USP13: variants seen among roughly 807,000 people sequenced by gnomAD.
The protein encoded by USP13 is ubiquitin specific peptidase 13.
A neutral mutation model predicts 107.8 loss-of-function variants in USP13; 68 were observed. The ratio of observed to expected loss-of-function variants is 0.63; its 90% confidence interval spans 0.52 to 0.77. The LOEUF (loss-of-function observed/expected upper bound fraction) is 0.77. USP13 is among the 30% of genes least tolerant of loss of function. The pLI is 0.00. For synonymous variants in USP13, 377 were observed against 389.5 expected, an observed-to-expected ratio of 0.97 and a Z score of 0.38; for missense variants, 945 against 1,093.3, an observed-to-expected ratio of 0.86 and a Z score of 1.91.
Position 179,682,001 on chromosome 3 carries a change from G to C in USP13, c.292G>C (p.Glu98Gln). 6.2e-7 allele frequency: 1 copy of C among 1,612,618 alleles called. No homozygotes were observed. Among genetic ancestry groups the C allele is most frequent in the Non-Finnish European group, 8.5e-7 (1 of 1,179,168 alleles). Residue 98 changes from glutamate to glutamine, a missense_variant and splice_region_variant, in exon 2 of 21, where the codon GAG becomes CAG. Glu to Gln is a conservative substitution (Grantham distance 29). Coordinates refer to ENST00000263966, the MANE Select transcript of USP13 (RefSeq NM_003940.3). Reference protein sequence around the residue: ...VYMHLKRHVREKVRGASGGAL... With the variant: ...VYMHLKRHVRQKVRGASGGAL... ...CATGCACCTGAAAAGACATGTGCGAGAGGTGAGAGCGGCACTTTCAGAGAA... is the reference window on the plus strand; with the variant it reads ...CATGCACCTGAAAAGACATGTGCGACAGGTGAGAGCGGCACTTTCAGAGAA...
At chr3:179,737,719 T>C (rs1254593457) in intron 10 of USP13, among the ~76,000 whole-genome samples, 1 of 152,256 alleles carries the variant, frequency 6.6e-6, no homozygotes, top group Non-Finnish European at 1.5e-5. Flanking sequence ...TGCTGCCACT[T>C]TGAGGAATTC....
chr3:179,719,685 T>C (rs1004730285), intron 6 of USP13, among the ~76,000 whole-genome samples: 5 of 152,202 alleles, frequency 3.3e-5, no homozygotes, highest in African/African-American at 1.2e-4. Flanking sequence ...TTTTTGTTGC[T>C]TTTCTTGTTT....
intron 3 of USP13, among the ~76,000 whole-genome samples, chr3:179,690,804 G>A (rs1712089242): frequency 6.6e-6 from 1 of 152,118 alleles, no homozygotes; most frequent in Admixed American, 6.5e-5. Context: ...GAACTCCTGA[G>A]CTCAAGCGAT....
chr3:179,728,391 G>T (rs1321573920), intron 8 of USP13, among the ~76,000 whole-genome samples: 1 of 147,480 alleles, frequency 6.8e-6, no homozygotes, highest in African/African-American at 2.5e-5. Context: ...ATGGGCGGCC[G>T]GGCAGAGACG....
chr3:179,709,855 CTTTTCTCTT>C (rs1712859477), intron 6 of USP13, among the ~76,000 whole-genome samples: 2 of 152,138 alleles, frequency 1.3e-5, no homozygotes, highest in East Asian at 1.9e-4. Flanking sequence ...TGTCTTCTCT[CTTTTCTCTT>C]TTTTCTCTGT....
At chr3:179,670,993 G>A (rs374747395) in intron 1 of USP13, among the ~76,000 whole-genome samples, 7 of 152,150 alleles carry the variant, frequency 4.6e-5, no homozygotes, top group Middle Eastern at 3.4e-3. Flanking sequence ...CACCATGTCC[G>A]GCCAATCCCA....
At chr3:179,710,949 C>T (rs1712901127) in intron 6 of USP13, among the ~76,000 whole-genome samples, 1 of 152,196 alleles carries the variant, frequency 6.6e-6, no homozygotes, top group African/African-American at 2.4e-5. Context: ...GTGAATGGAA[C>T]ACGCAGGGCT....
intron 20 of USP13, among the ~76,000 whole-genome samples, chr3:179,783,798 T>C (rs1715826852): frequency 6.6e-6 from 1 of 151,288 alleles, no homozygotes; most frequent in Non-Finnish European, 1.5e-5. Flanking sequence ...AGCCCAGGAG[T>C]TCGAAGCTTC....
Position 179,653,939 on chromosome 3 carries a change from G to T in USP13, c.168+546G>T, listed in dbSNP as rs555630438. On this transcript the variant is annotated intron_variant, in intron 1 of 20. Coordinates refer to ENST00000263966, the MANE Select transcript of USP13 (RefSeq NM_003940.3). The surrounding 1 kb of genome is among the most constrained non-coding windows in gnomAD (Gnocchi z 4.0). ...TTAGAATGTCAGGGCCAGGCGCGGT[G>T]GCTCACGTCTGAAATCCTAGCACTT... Among the ~76,000 whole-genome samples, 1 of 152,296 alleles carries T rather than the reference G, an allele frequency of 6.6e-6. No homozygotes were observed. The highest frequency in any genetic ancestry group is 2.1e-4 in the South Asian group (1 of 4,824).
intron 20 of USP13, among the ~76,000 whole-genome samples, chr3:179,782,831 C>T (rs577792618): frequency 5.9e-5 from 9 of 152,256 alleles, no homozygotes; most frequent in South Asian, 2.1e-4. Context: ...TTACAACCTC[C>T]GCCTCCCAAA....
At chr3:179,781,937 T>C in intron 20 of USP13, 114 bp downstream of exon 20, 1 of 937,022 alleles carries the variant, frequency 1.1e-6, no homozygotes, top group Non-Finnish European at 1.7e-6. Context: ...ACATTGGTCT[T>C]GTAAAGGGTA....
intron 8 of USP13, among the ~76,000 whole-genome samples, chr3:179,729,362 A>T (rs1219109974): frequency 6.6e-6 from 1 of 152,240 alleles, no homozygotes; most frequent in East Asian, 1.9e-4. Flanking sequence ...CTGGATCTAC[A>T]AGGACAGAGA....
intron 10 of USP13, among the ~76,000 whole-genome samples, chr3:179,738,072 G>A (rs1462395844): frequency 6.6e-6 from 1 of 152,216 alleles, no homozygotes; most frequent in Non-Finnish European, 1.5e-5. Context: ...CTGCAAACGT[G>A]TCATCGTCCC....
At chr3:179,713,361 A>G (rs1025765407) in intron 6 of USP13, among the ~76,000 whole-genome samples, 3 of 152,254 alleles carry the variant, frequency 2.0e-5, no homozygotes, top group Non-Finnish European at 1.5e-5. Context: ...GGATGCATAC[A>G]TTCTATTTTG....
chr3:179,680,114 A>C (rs1711593861), intron 1 of USP13, among the ~76,000 whole-genome samples: 1 of 152,014 alleles, frequency 6.6e-6, no homozygotes, highest in Non-Finnish European at 1.5e-5. Flanking sequence ...CTGAGGCTGC[A>C]GTGAGCCGGG....
chr3:179,746,042 GT>G (rs1047425637), intron 13 of USP13, among the ~76,000 whole-genome samples: 34 of 151,924 alleles, frequency 2.2e-4, no homozygotes, highest in Non-Finnish European at 4.7e-4. Flanking sequence ...GGCTCCAGGA[GT>G]TTTGCTACGT....
chr3:179,740,450 T>G (rs1266349515), intron 11 of USP13, 78 bp downstream of exon 11: 1 of 1,574,256 alleles, frequency 6.4e-7, no homozygotes, highest in Non-Finnish European at 8.7e-7. Flanking sequence ...TGCTGTGGCT[T>G]GATCAGAATG....
At chr3:179,738,744 G>A (rs735360) in intron 10 of USP13, among the ~76,000 whole-genome samples, 71,750 of 152,040 alleles carry the variant, frequency 0.47, 17,268 homozygotes, top group East Asian at 0.62. Context: ...CCGTATTAAA[G>A]AGCCAGTTTT....
At chr3:179,780,273 C>T (rs906374112) in intron 19 of USP13, among the ~76,000 whole-genome samples, 2 of 152,078 alleles carry the variant, frequency 1.3e-5, no homozygotes, top group Non-Finnish European at 2.9e-5. Flanking sequence ...TTTGGATTAT[C>T]AAGGAAGAAG....
Sources: gnomAD v4.1 joint callset for allele counts (sites outside exome capture counted in the v4.1 genomes callset) on GRCh38, gnomAD v4.1.1 for gene constraint, Gnocchi (gnomAD v3.1) non-coding constraint, MANE v1.5 for transcripts, NCBI Gene and HGNC (gene_info 2026-07-23, HGNC 2026-07-21) for gene names.